Variants in PDE4C observed in about 807,000 individuals in gnomAD.
PDE4C encodes the protein 3',5'-cyclic-AMP phosphodiesterase 4C.
PDE4C carries 50 observed loss-of-function variants against 63.9 expected under a neutral mutation model. That is an observed-to-expected ratio of 0.78 (90% confidence interval 0.62 to 0.99). The LOEUF is 0.99. Among genes scored for constraint, PDE4C ranks in the 50% least tolerant of loss-of-function variants. PDE4C has a pLI of 0.00. For synonymous variants in PDE4C, 377 were observed against 385.1 expected (o/e 0.98, Z 0.25); for missense variants, 777 against 899.1 (o/e 0.86, Z 1.74).
At chr19:18,223,367 C>T (rs774658653) in intron 1 of PDE4C, among the ~76,000 whole-genome samples, 16 of 152,130 alleles carry the variant, frequency 1.1e-4, no homozygotes, top group Non-Finnish European at 1.0e-4. Context: ...TGTGCCACCA[C>T]GCCCAGCTAA....
At chr19:18,237,742 G>A (rs1233557466), upstream of PDE4C, among the ~76,000 whole-genome samples, 5 of 151,592 alleles carry the variant, frequency 3.3e-5, no homozygotes, top group East Asian at 5.8e-4. Flanking sequence ...GCGTGGTGGC[G>A]GGCGCCTGTA....
At chr19:18,246,010 ATT>A (rs752230825) in intron 1 of PDE4C, among the ~76,000 whole-genome samples, 21 of 127,578 alleles carry the variant, frequency 1.6e-4, no homozygotes, top group East Asian at 2.4e-4. Context: ...TGCCCAGCTA[ATT>A]TTTTTTTTTT....
chr19:18,234,503 A>C (rs1196743196), upstream of PDE4C, among the ~76,000 whole-genome samples: 1 of 152,132 alleles, frequency 6.6e-6, no homozygotes, highest in African/African-American at 2.4e-5. Flanking sequence ...TGGTTAACTG[A>C]AGTAGGCATG....
At chr19:18,237,414 G>C (rs1008079982), upstream of PDE4C, among the ~76,000 whole-genome samples, 4 of 152,078 alleles carry the variant, frequency 2.6e-5, no homozygotes, top group Admixed American at 1.3e-4. Context: ...AGCCAGGCGT[G>C]GTGGTGCATG....
chr19:18,217,159 T>TG, intron 11 of PDE4C: 1 of 178,266 alleles, frequency 5.6e-6, no homozygotes, highest in East Asian at 8.4e-5. Context: ...CTCAGTAATG[T>TG]TTTTTTTTTT....
chr19:18,208,239 T>G (rs1274087016), downstream of PDE4C: 1 of 152,260 alleles, frequency 6.6e-6, no homozygotes, highest in Non-Finnish European at 1.5e-5. Flanking sequence ...CCAGCTGCTC[T>G]GGAAGCCGAG....
chr19:18,240,973 G>C (rs1030127066), intron 1 of PDE4C, among the ~76,000 whole-genome samples: 4 of 152,178 alleles, frequency 2.6e-5, no homozygotes, highest in Non-Finnish European at 5.9e-5. Flanking sequence ...TCACACAGCT[G>C]GGGGCTTGAG....
exon 8 of PDE4C, chr19:18,219,252 C>T (rs1402434172): frequency 1.2e-6 from 2 of 1,614,188 alleles, no homozygotes; most frequent in Non-Finnish European, 8.5e-7. Flanking sequence ...GTTGCTCCTC[C>T]TGGTCAGTCT....
exon 1 of PDE4C, chr19:18,233,473 A>G (rs12461234): frequency 1.5e-6 from 1 of 664,932 alleles, no homozygotes; most frequent in African/African-American, 1.8e-5. Context: ...ACCCCCCCCC[A>G]ACACACCAGC....
rs140821481 is a variant in PDE4C, at chr19:18,219,683, G to A, written c.707-286C>T. 2.8e-3 allele frequency: 946 copies of A among 332,252 alleles called. 13 individuals are homozygous for A. The highest frequency in any genetic ancestry group is 0.019 in the African/African-American group (869 of 46,428). The allele number at this position is 332,252 out of a possible 1,614,324, so 20.6% of individuals were successfully genotyped here. A position where few individuals can be genotyped will look rare whatever the true frequency, so the allele number is the denominator to read the frequency against. On this transcript the variant is annotated intron_variant, in intron 7 of 14. Coordinates refer to ENST00000262805, the Ensembl canonical transcript of PDE4C. ...TACTAAAAATACAAAAATTAGTCAC[G>A]TATGGTGGCAGGCACCTGTAACCCC...
chr19:18,246,214 C>T lies in PDE4C; in HGVS notation c.-210+1957G>A, dbSNP rs138946160. ...TTTTTTTTTTTTTGAGATGGAGTCT[C>T]GCTCTGTCACCCAGCCTGGAGTGCA... is the stretch of plus-strand genomic sequence containing the variant. On this transcript the variant is annotated intron_variant, in intron 1 of 15. Transcript: ENST00000594617. Among the ~76,000 whole-genome samples the T allele has an allele frequency of 6.3e-3, 903 of 143,282 alleles. 22 individuals carry two copies. Among genetic ancestry groups the T allele is most frequent in the African/African-American group, 0.021 (791 of 38,466 alleles). 94.0% of individuals were successfully genotyped at this position (143,282 alleles called of 152,430 possible). A position where few individuals can be genotyped will look rare whatever the true frequency, so the allele number is the denominator to read the frequency against.
At chr19:18,211,347 G>C in intron 14 of PDE4C, 71 bp from the exon 15 acceptor site, 1 of 1,315,872 alleles carries the variant, frequency 7.6e-7, no homozygotes, top group East Asian at 2.5e-5. Context: ...CCAGCCTCCA[G>C]ATCTTTAGCC....
chr19:18,221,058 C>CCCCCCCCCCCCCCCCCCCAGTG, intron 4 of PDE4C, 47 bp downstream of exon 4: 1 of 1,221,608 alleles, frequency 8.2e-7, no homozygotes, highest in Non-Finnish European at 1.2e-6. Context: ...TTCCGCCCAC[C>CCCCCCCCCCCCCCCCCCCAGTG]TTGTCTCTGC....
At chr19:18,248,979 C>T (rs1369180596), upstream of PDE4C, among the ~76,000 whole-genome samples, 1 of 148,924 alleles carries the variant, frequency 6.7e-6, no homozygotes, top group Non-Finnish European at 1.5e-5. Flanking sequence ...GAGCTGAGAT[C>T]GTGTCACTGC....
At chr19:18,222,266 G>A (rs1968517939) in exon 2 of PDE4C, 1 of 1,613,950 alleles carries the variant, frequency 6.2e-7, no homozygotes, top group Non-Finnish European at 8.5e-7. Context: ...CCAGGCCAGG[G>A]CTGGACTGAG....
rs547034383 is a variant in PDE4C, at chr19:18,243,417, G to A, written c.-210+4754C>T. ...GCCACCACATCCGGTGGTGACTGGT[G>A]ATTATTAAGCATGATTACTTGTTTT... On this transcript the variant is annotated intron_variant, in intron 1 of 15. Transcript: ENST00000594617. 2.0e-4 allele frequency among the ~76,000 whole-genome samples: 31 copies of A among 152,216 alleles called. No individual in the cohort carries two copies. In the South Asian group the frequency reaches 4.6e-3, roughly 22 times the overall value.
At chr19:18,215,330 C>T (rs1374194994) in intron 12 of PDE4C, among the ~76,000 whole-genome samples, 2 of 152,138 alleles carry the variant, frequency 1.3e-5, no homozygotes, top group Admixed American at 6.6e-5. Context: ...CCTTCCTCCT[C>T]ACAGCTCTGC....
chr19:18,224,449 C>T (rs934659230), intron 1 of PDE4C: 2 of 985,492 alleles, frequency 2.0e-6, no homozygotes, highest in African/African-American at 1.7e-5. Context: ...TGGCAGCATT[C>T]GGTCCAAGTA....
intron 1 of PDE4C, among the ~76,000 whole-genome samples, chr19:18,239,085 C>T (rs1352657811): frequency 6.6e-6 from 1 of 152,032 alleles, no homozygotes; most frequent in Non-Finnish European, 1.5e-5. Context: ...TGCACAATCA[C>T]CCTGTATAAA....
Sources: allele counts gnomAD v4.1 joint callset (sites outside exome capture counted in the v4.1 genomes callset), GRCh38; gene constraint gnomAD v4.1.1; transcripts MANE v1.5; gene names NCBI Gene and HGNC (gene_info 2026-07-23, HGNC 2026-07-21).